Variants in ACCSL observed in about 807,000 individuals in gnomAD.
ACCSL encodes probable inactive 1-aminocyclopropane-1-carboxylate synthase-like protein 2.
Under a neutral mutation model 61.7 loss-of-function variants are expected in ACCSL, and 55 were observed. The ratio of observed to expected loss-of-function variants is 0.89; its 90% CI spans 0.72 to 1.12. The LOEUF (loss-of-function observed/expected upper bound fraction) is 1.12, where lower values mean the gene tolerates loss of function less well. Ranked by LOEUF, ACCSL falls within the 50% of genes most tolerant of loss-of-function variation. The pLI, the probability that ACCSL is intolerant of heterozygous loss-of-function variation, is 0.00. For synonymous variants in ACCSL, 258 were observed against 264.3 expected (o/e 0.98, Z 0.23); for missense variants, 632 against 698.0 (o/e 0.91, Z 1.07).
chr11:44,012,896 C>T, the ACCSL span, among the ~76,000 whole-genome samples: 6 of 152,198 alleles, frequency 3.9e-5, no homozygotes, highest in South Asian at 2.1e-4. Context: ...AACTCAACAA[C>T]GTTCCTTCTT....
chr11:44,055,570 T>C (rs920292421), intron 9 of ACCSL, among the ~76,000 whole-genome samples: 1 of 152,122 alleles, frequency 6.6e-6, no homozygotes, highest in Non-Finnish European at 1.5e-5. Context: ...TCTTGATAAG[T>C]AGAGCACAGG....
At chr11:43,937,523 A>C in the ACCSL span, among the ~76,000 whole-genome samples, 1 of 152,162 alleles carries the variant, frequency 6.6e-6, no homozygotes, top group Non-Finnish European at 1.5e-5. Flanking sequence ...CTGCTCCTAG[A>C]AACATCCTTC....
chr11:43,999,108 C>T, the ACCSL span, among the ~76,000 whole-genome samples: 9 of 152,080 alleles, frequency 5.9e-5, no homozygotes, highest in East Asian at 1.9e-4. Context: ...CTAACAGTTG[C>T]GAGGATGAAA....
At chr11:43,928,960 A>G in the ACCSL span, among the ~76,000 whole-genome samples, 1 of 152,182 alleles carries the variant, frequency 6.6e-6, no homozygotes, top group Non-Finnish European at 1.5e-5. Context: ...GCTTCAGAGG[A>G]AAGACTGCCA....
chr11:44,022,377 A>G, the ACCSL span, among the ~76,000 whole-genome samples: 4 of 152,024 alleles, frequency 2.6e-5, no homozygotes, highest in South Asian at 2.1e-4. Flanking sequence ...TTTTGCAGCT[A>G]TGTAAAACAG....
the ACCSL span, among the ~76,000 whole-genome samples, chr11:43,992,054 C>CTTTCT: frequency 1.5e-4 from 17 of 114,154 alleles, no homozygotes; most frequent in South Asian, 2.8e-4. Context: ...TTCTTTCTTT[C>CTTTCT]TTTTTTTTTT....
At chr11:43,939,530 C>G in the ACCSL span, among the ~76,000 whole-genome samples, 1 of 152,070 alleles carries the variant, frequency 6.6e-6, no homozygotes, top group Non-Finnish European at 1.5e-5. Context: ...CCCTCCCCAC[C>G]CTTCTCTTCT....
chr11:43,930,330 G>A, the ACCSL span, among the ~76,000 whole-genome samples: 1 of 152,164 alleles, frequency 6.6e-6, no homozygotes, highest in Non-Finnish European at 1.5e-5. Flanking sequence ...TGTAGGGGTT[G>A]AGCCATGATA....
the ACCSL span, among the ~76,000 whole-genome samples, chr11:43,932,134 T>G: frequency 2.8e-4 from 43 of 152,210 alleles, 1 homozygote; most frequent in Admixed American, 2.7e-3. Context: ...AAATTCACCC[T>G]CCTGTGTGGC....
the ACCSL span, among the ~76,000 whole-genome samples, chr11:43,928,421 T>C: frequency 1.3e-5 from 2 of 152,164 alleles, no homozygotes; most frequent in African/African-American, 4.8e-5. Flanking sequence ...AGGTTATTAC[T>C]GATAAGGCCG....
At chr11:43,990,990 G>T in the ACCSL span, among the ~76,000 whole-genome samples, 2 of 151,960 alleles carry the variant, frequency 1.3e-5, no homozygotes, top group African/African-American at 4.8e-5. Flanking sequence ...AGAATCACTT[G>T]AACCCGGGTA....
the ACCSL span, among the ~76,000 whole-genome samples, chr11:43,963,153 C>T: frequency 1.3e-5 from 2 of 152,250 alleles, no homozygotes; most frequent in South Asian, 2.1e-4. Flanking sequence ...ACTGGATGGA[C>T]GTTGGTTTGT....
chr11:44,013,857 T>C, the ACCSL span, among the ~76,000 whole-genome samples: 1 of 152,116 alleles, frequency 6.6e-6, no homozygotes, highest in Non-Finnish European at 1.5e-5. Context: ...GACAGAGGCT[T>C]CGGGGTTGGT....
At chr11:43,973,514 G>A in the ACCSL span, among the ~76,000 whole-genome samples, 1 of 152,088 alleles carries the variant, frequency 6.6e-6, no homozygotes, top group African/African-American at 2.4e-5. Context: ...AAGTCATACT[G>A]CTTAATCAAA....
At chr11:44,030,120 G>T in the ACCSL span, among the ~76,000 whole-genome samples, 2 of 92,914 alleles carry the variant, frequency 2.2e-5, no homozygotes, top group African/African-American at 8.5e-5. Flanking sequence ...TCCTTGCTTA[G>T]TGACAGTGGT....
At chr11:43,975,351 T>C in the ACCSL span, among the ~76,000 whole-genome samples, 1 of 152,172 alleles carries the variant, frequency 6.6e-6, no homozygotes. Context: ...CAAATCAAGG[T>C]ACTGACTTTA....
chr11:44,050,385 G>A (rs1009254300), intron 2 of ACCSL, among the ~76,000 whole-genome samples, 167 bp from the exon 3 acceptor site: 7 of 152,182 alleles, frequency 4.6e-5, no homozygotes, highest in African/African-American at 1.4e-4. Context: ...TGTAATTTAT[G>A]ACAAGATGGT....
the ACCSL span, among the ~76,000 whole-genome samples, chr11:44,007,492 G>T: frequency 6.6e-6 from 1 of 152,196 alleles, no homozygotes; most frequent in Admixed American, 6.5e-5. Context: ...CCACTGTGCA[G>T]TGATGAACCA....
At position 44,058,705 on chromosome 11, in the gene ACCSL, T is replaced by C; in HGVS notation, c.1624+6T>C. On this transcript the variant is annotated splice_donor_region_variant and intron_variant, in intron 13 of 13. Transcript: ENST00000378832. Reference sequence around the variant, plus strand: ...GCTCCCCCGGCTAAAATTGGGTGAGTGGAGCTGACCTCCCAATCCTTTAAA... The same window carrying C: ...GCTCCCCCGGCTAAAATTGGGTGAGCGGAGCTGACCTCCCAATCCTTTAAA... 6.2e-7 allele frequency: 1 copy of C among 1,608,056 alleles called. No homozygotes were observed. The highest frequency in any genetic ancestry group is 1.3e-5 in the African/African-American group (1 of 74,810).
Sources: gnomAD v4.1 joint callset for allele counts (sites outside exome capture counted in the v4.1 genomes callset) on GRCh38, gnomAD v4.1.1 for gene constraint, MANE v1.5 for transcripts, NCBI Gene and HGNC (gene_info 2026-07-23, HGNC 2026-07-21) for gene names.